The following RBFOX3 variants were observed in gnomAD, a reference collection of about 807,000 sequenced individuals.
RBFOX3 encodes the protein RNA binding fox-1 homolog 3, also known as RNA binding protein fox-1 homolog 3.
A neutral mutation model predicts 48.7 loss-of-function variants in RBFOX3; 17 were observed. The observed-to-expected ratio is 0.35, with a 90% CI of 0.24 to 0.52. The LOEUF (loss-of-function observed/expected upper bound fraction) is 0.52. Among genes scored for constraint, RBFOX3 ranks in the 20% least tolerant of loss-of-function variants. The pLI is 0.94. For synonymous variants in RBFOX3, 212 were observed against 209.5 expected (o/e 1.01, Z -0.10); for missense variants, 382 against 497.5 (o/e 0.77, Z 2.21).
intron 3 of RBFOX3, among the ~76,000 whole-genome samples, chr17:79,294,589 C>T (rs890881256): frequency 6.6e-6 from 1 of 152,176 alleles, no homozygotes; most frequent in African/African-American, 2.4e-5. Context: ...CGTGAGCCAC[C>T]ACGCCCCGCT....
At chr17:79,521,727 GCACA>G (rs1160232700) in intron 1 of RBFOX3, among the ~76,000 whole-genome samples, 111 of 150,844 alleles carry the variant, frequency 7.4e-4, no homozygotes, top group Non-Finnish European at 1.4e-3. Context: ...ATTCACACAG[GCACA>G]CACACACACA....
chr17:79,485,288 A>T (rs1339301006), intron 1 of RBFOX3, among the ~76,000 whole-genome samples: 1 of 152,116 alleles, frequency 6.6e-6, no homozygotes, highest in Non-Finnish European at 1.5e-5. Context: ...ATCCCTGGGG[A>T]TCCCAAGTCA....
At chr17:79,286,722 G>T (rs1204305189) in intron 3 of RBFOX3, among the ~76,000 whole-genome samples, 2 of 152,200 alleles carry the variant, frequency 1.3e-5, no homozygotes, top group Non-Finnish European at 2.9e-5. Flanking sequence ...AATGGGAAAG[G>T]GTAGGGCCCT....
intron 1 of RBFOX3, among the ~76,000 whole-genome samples, chr17:79,528,330 CCTCTGAGGAGGATCTTAGTTGAAA>C (rs2087109440): frequency 3.7e-5 from 5 of 135,134 alleles, no homozygotes; most frequent in African/African-American, 1.3e-4. Flanking sequence ...CCCTGAGGTA[CCTCTGAGGAGGATCTTAGTTGAAA>C]CTCTGAGGAG....
chr17:79,516,548 G>A (rs1341603168), intron 1 of RBFOX3, among the ~76,000 whole-genome samples: 9 of 152,258 alleles, frequency 5.9e-5, no homozygotes, highest in South Asian at 2.1e-4. Flanking sequence ...TTCACGCCCC[G>A]AGGTCAGAGT....
At chr17:79,574,203 C>T (rs1341081209) in intron 1 of RBFOX3, among the ~76,000 whole-genome samples, 1 of 152,204 alleles carries the variant, frequency 6.6e-6, no homozygotes. Context: ...ATGTCAGCGG[C>T]GTTTGAACCA....
At chr17:79,412,614 TTATG>T (rs1229036594) in intron 2 of RBFOX3, among the ~76,000 whole-genome samples, 2 of 150,488 alleles carry the variant, frequency 1.3e-5, no homozygotes, top group African/African-American at 4.9e-5. Context: ...AGGCATGGTG[TTATG>T]TGTGTGTGAA....
chr17:79,336,548 T>A (rs1254663176), intron 2 of RBFOX3, among the ~76,000 whole-genome samples: 3 of 152,234 alleles, frequency 2.0e-5, no homozygotes, highest in African/African-American at 7.2e-5. Flanking sequence ...CATTCAGCTG[T>A]CTGGACTCAC....
rs944747755 is a variant in RBFOX3 at position 79,361,931 on chromosome 17, T to G, written c.-174-54107A>C. ...AAAAATGTTATAAAAATGTCTTATT[T>G]TGGTAGTTAATTGCCATTTCCATTT... On this transcript the variant is annotated intron_variant, in intron 2 of 14. Transcript: ENST00000693108. The surrounding 1 kb of genome is among the most constrained non-coding windows in gnomAD (Gnocchi z 4.5). Among the ~76,000 whole-genome samples the G allele has an allele frequency of 6.6e-6, 1 of 152,250 alleles. No homozygotes were observed. Among genetic ancestry groups the G allele is most frequent in the African/African-American group, 2.4e-5 (1 of 41,466 alleles).
intron 4 of RBFOX3, among the ~76,000 whole-genome samples, chr17:79,174,782 A>T (rs2050174146): frequency 1.3e-5 from 2 of 152,234 alleles, no homozygotes; most frequent in Non-Finnish European, 2.9e-5. Context: ...CACTTAGCAC[A>T]GGGCCCGGCA....
chr17:79,519,762 G>A (rs1487337802), intron 1 of RBFOX3, among the ~76,000 whole-genome samples: 12 of 152,120 alleles, frequency 7.9e-5, no homozygotes, highest in African/African-American at 1.4e-4. Context: ...GGTCAGTCAC[G>A]TCTCCATGAC....
At chr17:79,524,362 C>T (rs1293218462) in intron 1 of RBFOX3, among the ~76,000 whole-genome samples, 1 of 152,116 alleles carries the variant, frequency 6.6e-6, no homozygotes, top group Non-Finnish European at 1.5e-5. Flanking sequence ...TAACGGAGAC[C>T]TCTCCTCCCC....
rs5822288 is a variant in RBFOX3 at position 79,309,106 on chromosome 17, C to CAAA, written c.-174-1285_-174-1283dup. Among the ~76,000 whole-genome samples the CAAA allele has an allele frequency of 6.0e-3, 857 of 143,754 alleles. 6 individuals are homozygous for CAAA. Among genetic ancestry groups the CAAA allele is most frequent in the African/African-American group, 0.014 (559 of 38,578 alleles). 94.3% of individuals were successfully genotyped at this position (143,754 alleles called of 152,430 possible). ...TGGACAACAGAGCAAGACTCTGTCTCAAAAAAAAAAAAAACTAAATGTTTG... is the reference window on the plus strand; with the variant it reads ...TGGACAACAGAGCAAGACTCTGTCTCAAAAAAAAAAAAAAAAACTAAATGTTTG... On this transcript the variant is annotated intron_variant, in intron 2 of 14. Transcript: ENST00000693108.
chr17:79,145,361 A>G (rs1204662710), intron 4 of RBFOX3, among the ~76,000 whole-genome samples: 2 of 152,220 alleles, frequency 1.3e-5, no homozygotes, highest in Non-Finnish European at 2.9e-5. Flanking sequence ...GCACCCTGAA[A>G]TTGCCTTGGA....
At chr17:79,215,374 G>A (rs2058909108) in intron 4 of RBFOX3, among the ~76,000 whole-genome samples, 1 of 152,222 alleles carries the variant, frequency 6.6e-6, no homozygotes, top group African/African-American at 2.4e-5. Context: ...AGACGCCTCT[G>A]GAAAGCACCC....
At chr17:79,419,749 T>C (rs1421752592) in intron 2 of RBFOX3, among the ~76,000 whole-genome samples, 1 of 152,136 alleles carries the variant, frequency 6.6e-6, no homozygotes, top group Non-Finnish European at 1.5e-5. Flanking sequence ...ACCAATGAAA[T>C]CAAAGGCAGG....
chr17:79,528,583 A>T (rs1439391061), intron 1 of RBFOX3, among the ~76,000 whole-genome samples: 1 of 151,890 alleles, frequency 6.6e-6, no homozygotes, highest in Non-Finnish European at 1.5e-5. Context: ...ATTAAGTTGG[A>T]AGTTAAGATG....
intron 1 of RBFOX3, among the ~76,000 whole-genome samples, chr17:79,569,287 T>C (rs2092581421): frequency 6.6e-6 from 1 of 152,168 alleles, no homozygotes; most frequent in Non-Finnish European, 1.5e-5. Flanking sequence ...CCTCTGTCTG[T>C]ATGGATTTGT....
chr17:79,317,020 G>A (rs994201077), intron 2 of RBFOX3, among the ~76,000 whole-genome samples: 6 of 152,112 alleles, frequency 3.9e-5, no homozygotes, highest in East Asian at 1.9e-4. Flanking sequence ...GCACGGACAC[G>A]TGCACATACA....
Sources: gnomAD v4.1 joint callset for allele counts (sites outside exome capture counted in the v4.1 genomes callset) on GRCh38, gnomAD v4.1.1 for gene constraint, Gnocchi (gnomAD v3.1) non-coding constraint, MANE v1.5 for transcripts, NCBI Gene and HGNC (gene_info 2026-07-23, HGNC 2026-07-21) for gene names.